CNTRL: variants seen among roughly 807,000 people sequenced by gnomAD.
CNTRL encodes the protein centriolin.
A neutral mutation model predicts 303.7 loss-of-function variants in CNTRL; 233 were observed. The ratio of observed to expected loss-of-function variants is 0.77; its 90% CI spans 0.69 to 0.86. The LOEUF is 0.86. Ranked by LOEUF, CNTRL falls within the 40% of genes least tolerant of loss-of-function variation. The pLI is 0.00. For synonymous variants in CNTRL, 900 were observed against 922.2 expected (o/e 0.98, Z 0.44); for missense variants, 2,524 against 2,650.6 (o/e 0.95, Z 1.05).
chr9:121,101,435 A>G (rs969935440), intron 7 of CNTRL, among the ~76,000 whole-genome samples: 3 of 152,238 alleles, frequency 2.0e-5, no homozygotes, highest in Non-Finnish European at 4.4e-5. Flanking sequence ...CTAAATGCCC[A>G]CAAGAGACAG....
At chr9:121,122,543 T>G in intron 12 of CNTRL, 10 of 320,520 alleles carry the variant, frequency 3.1e-5, no homozygotes, top group Non-Finnish European at 4.1e-5. Flanking sequence ...TAACTTTCTC[T>G]TCATTTATTG....
chr9:121,128,047 A>G (rs1036356402), intron 14 of CNTRL, among the ~76,000 whole-genome samples: 2 of 152,054 alleles, frequency 1.3e-5, no homozygotes, highest in African/African-American at 4.8e-5. Context: ...TCTATCGTTG[A>G]TGGACATTTG....
chr9:121,079,266 C>T (rs962916549), intron 1 of CNTRL, among the ~76,000 whole-genome samples: 7 of 152,142 alleles, frequency 4.6e-5, no homozygotes, highest in African/African-American at 1.2e-4. Context: ...GTGGAAATGG[C>T]ATAAATAGCA....
At chr9:121,085,424 C>CAG (rs138399881) in intron 2 of CNTRL, among the ~76,000 whole-genome samples, 37 of 149,968 alleles carry the variant, frequency 2.5e-4, no homozygotes, top group East Asian at 1.6e-3. Flanking sequence ...AATATGCATA[C>CAG]AGAGAGAGAG....
intron 25 of CNTRL, 153 bp downstream of exon 25, chr9:121,150,636 T>C (rs1030244194): frequency 5.6e-6 from 4 of 713,498 alleles, no homozygotes; most frequent in South Asian, 2.0e-5. Context: ...CATTCTCTTA[T>C]TAAAATTCTC....
At position 121,094,588 on chromosome 9, in the gene CNTRL, A is replaced by G. The variant is rs140350841; in HGVS notation, c.349-300A>G. 7.2e-5 allele frequency among the ~76,000 whole-genome samples: 11 copies of G among 152,216 alleles called. No individual in the cohort carries two copies. In the East Asian group the frequency reaches 2.1e-3, roughly 29 times the overall value. On this transcript the variant is annotated intron_variant, in intron 4 of 43. Coordinates refer to ENST00000373855, the MANE Select transcript of CNTRL (RefSeq NM_007018.6). ...AAGAAAGGAGGGGAATGAGAGGGAGAGGTATGGCAAAAGTGAGGTAGAGGG... is the reference window on the plus strand; with the variant it reads ...AAGAAAGGAGGGGAATGAGAGGGAGGGGTATGGCAAAAGTGAGGTAGAGGG...
chr9:121,152,717 TCAGA>T (rs1176732282), intron 26 of CNTRL, 24 bp downstream of exon 26: 3 of 1,512,590 alleles, frequency 2.0e-6, no homozygotes, highest in Non-Finnish European at 1.8e-6. Context: ...TTTTTATAAT[TCAGA>T]CAAATACGAT....
At chr9:121,113,903 C>A (rs2049864407) in intron 10 of CNTRL, among the ~76,000 whole-genome samples, 179 bp downstream of exon 10, 1 of 151,996 alleles carries the variant, frequency 6.6e-6, no homozygotes, top group Non-Finnish European at 1.5e-5. Flanking sequence ...TGTAATGATT[C>A]CTGTTATGGT....
chr9:121,082,486 A>ATTTGCTCTGTAAG (rs1185787645), intron 2 of CNTRL, among the ~76,000 whole-genome samples: 2 of 152,202 alleles, frequency 1.3e-5, no homozygotes, highest in Non-Finnish European at 2.9e-5. Flanking sequence ...TGTGTCCCTT[A>ATTTGCTCTGTAAG]ATGACAGAAT....
intron 21 of CNTRL, 69 bp downstream of exon 21, chr9:121,145,028 G>A (rs2051756451): frequency 7.5e-7 from 1 of 1,340,518 alleles, no homozygotes; most frequent in Admixed American, 1.7e-5. Context: ...CAAAATTACT[G>A]TAGGTGATGT....
chr9:121,150,089 C>G, intron 24 of CNTRL, 81 bp from the exon 25 acceptor site: 1 of 1,123,126 alleles, frequency 8.9e-7, no homozygotes, highest in Non-Finnish European at 1.3e-6. Context: ...CTGCTGTTCT[C>G]TACTAAATTT....
chr9:121,093,577 G>A (rs537362172), intron 4 of CNTRL, among the ~76,000 whole-genome samples: 2 of 152,178 alleles, frequency 1.3e-5, no homozygotes, highest in East Asian at 1.9e-4. Flanking sequence ...TAGACAATTC[G>A]TGTGAGAACA....
chr9:121,169,599 T>A lies in CNTRL; in HGVS notation c.6071-12T>A. 2 of 1,613,816 alleles carry A rather than the reference T, an allele frequency of 1.2e-6. No individual in the cohort carries two copies. The highest frequency in any genetic ancestry group is 1.7e-6 in the Non-Finnish European group (2 of 1,179,900). ...GGTCTTTGGCTAAACCTACTGAAAA[T>A]GCTCATTTCAGAACGGCAGCTTTCA... On this transcript the variant is annotated splice_polypyrimidine_tract_variant and intron_variant, in intron 38 of 43. Transcript: ENST00000373855.
chr9:121,148,902 G>A (rs548399158), intron 24 of CNTRL, 41 bp downstream of exon 24: 22 of 1,562,772 alleles, frequency 1.4e-5, no homozygotes, highest in South Asian at 6.9e-5. Context: ...TCTCTTGCCC[G>A]TTTAATAACC....
intron 26 of CNTRL, among the ~76,000 whole-genome samples, chr9:121,154,385 G>A (rs2052449312): frequency 6.6e-6 from 1 of 152,196 alleles, no homozygotes; most frequent in African/African-American, 2.4e-5. Context: ...GAATATTGTG[G>A]TAGTGGTTTG....
Position 121,147,458 on chromosome 9 carries a change from T to C in CNTRL, c.3459+1202T>C, listed in dbSNP as rs754079344. Among the ~76,000 whole-genome samples, 13 of 152,204 alleles carry C rather than the reference T, an allele frequency of 8.5e-5. No individual in the cohort carries two copies. In the East Asian group the frequency reaches 9.6e-4, roughly 11 times the overall value. Reference sequence around the variant, plus strand: ...CTGGCTAGTATAGAGTCTATACTTATGGTAGGGTGAGCTTTCGGTGGGGCT... The same window carrying C: ...CTGGCTAGTATAGAGTCTATACTTACGGTAGGGTGAGCTTTCGGTGGGGCT... On this transcript the variant is annotated intron_variant, in intron 23 of 43. Coordinates refer to ENST00000373855, the MANE Select transcript of CNTRL (RefSeq NM_007018.6).
Position 121,150,183 on chromosome 9 carries a change from A to T in CNTRL, c.3663A>T (p.Gly1221=), listed in dbSNP as rs1243591169. The T allele has an allele frequency of 6.2e-7, 1 of 1,610,850 alleles. No individual in the cohort carries two copies. Among genetic ancestry groups the T allele is most frequent in the East Asian group, 2.2e-5 (1 of 44,796 alleles). Reference sequence around the variant, plus strand: ...ATTTCTTTGAAGATGCAGACAGTGGAGGAGATAGTCAGGAAGAGAGTGAGC... The same window carrying T: ...ATTTCTTTGAAGATGCAGACAGTGGTGGAGATAGTCAGGAAGAGAGTGAGC... ...KLFPSRDADS[G]GDSQEESELD... is the part of the protein sequence containing the mutation. Residue 1221 remains glycine (G), a synonymous_variant, in exon 25 of 44, where the codon GGA becomes GGT. Coordinates refer to ENST00000373855, the MANE Select transcript of CNTRL (RefSeq NM_007018.6).
At chr9:121,096,864 A>C (rs2048914812) in intron 6 of CNTRL, among the ~76,000 whole-genome samples, 2 of 152,112 alleles carry the variant, frequency 1.3e-5, no homozygotes, top group African/African-American at 4.8e-5. Flanking sequence ...TAACACTATG[A>C]GTTAGGTAGT....
intron 25 of CNTRL, among the ~76,000 whole-genome samples, chr9:121,151,808 G>A (rs1224623620): frequency 6.6e-6 from 1 of 152,192 alleles, no homozygotes; most frequent in African/African-American, 2.4e-5. Context: ...TTGAGTGGAA[G>A]ATAAACTAGG....
Sources: gnomAD v4.1 joint callset for allele counts (sites outside exome capture counted in the v4.1 genomes callset) on GRCh38, gnomAD v4.1.1 for gene constraint, MANE v1.5 for transcripts, NCBI Gene and HGNC (gene_info 2026-07-23, HGNC 2026-07-21) for gene names.